The following CAMK2D variants were observed in gnomAD, a reference collection of about 807,000 sequenced individuals.
CAMK2D encodes calcium/calmodulin dependent protein kinase II delta, also known as calcium/calmodulin-dependent protein kinase type II subunit delta.
Under a neutral mutation model 84.0 loss-of-function variants are expected in CAMK2D, and 37 were observed. The observed-to-expected ratio is 0.44, with a 90% CI of 0.34 to 0.58. CAMK2D has a LOEUF of 0.58. Ranked by LOEUF, CAMK2D falls within the 20% of genes least tolerant of loss-of-function variation. The pLI is 0.02. For synonymous variants in CAMK2D, 202 were observed against 212.5 expected, an observed-to-expected ratio of 0.95 and a Z score of 0.43; for missense variants, 448 against 652.5, an observed-to-expected ratio of 0.69 and a Z score of 3.41.
intron 2 of CAMK2D, among the ~76,000 whole-genome samples, chr4:113,707,847 CCTGT>C (rs1220620101): frequency 6.6e-6 from 1 of 152,122 alleles, no homozygotes; most frequent in Middle Eastern, 3.2e-3. Flanking sequence ...ACAGTATCTA[CCTGT>C]CTAAGTGCTG....
intron 3 of CAMK2D, among the ~76,000 whole-genome samples, chr4:113,627,746 G>C (rs766388580): frequency 1.6e-4 from 24 of 152,116 alleles, no homozygotes; most frequent in Admixed American, 7.9e-4. Flanking sequence ...AAGGGCATTT[G>C]CTTAGTGTTT....
intron 4 of CAMK2D, among the ~76,000 whole-genome samples, chr4:113,594,548 T>G (rs1054841457): frequency 6.6e-6 from 1 of 152,166 alleles, no homozygotes; most frequent in Non-Finnish European, 1.5e-5. Flanking sequence ...AACAGGTGGA[T>G]GATGTAAACA....
intron 8 of CAMK2D, among the ~76,000 whole-genome samples, chr4:113,522,041 G>A (rs1166280849): frequency 2.7e-5 from 4 of 150,754 alleles, no homozygotes; most frequent in African/African-American, 9.7e-5. Context: ...TGCTAGAGAT[G>A]TCCGGTTAAT....
intron 18 of CAMK2D, among the ~76,000 whole-genome samples, chr4:113,458,555 T>C (rs960578743): frequency 6.6e-6 from 1 of 152,216 alleles, no homozygotes; most frequent in African/African-American, 2.4e-5. Flanking sequence ...AGTTAATTCT[T>C]TCATTAGGGA....
intron 13 of CAMK2D, among the ~76,000 whole-genome samples, chr4:113,508,461 G>A (rs2098162035): frequency 1.3e-5 from 2 of 152,202 alleles, no homozygotes; most frequent in Non-Finnish European, 2.9e-5. Context: ...GGAACTGTGA[G>A]CTCTCCATCA....
intron 16 of CAMK2D, among the ~76,000 whole-genome samples, chr4:113,494,861 C>T (rs528688599): frequency 1.1e-4 from 17 of 152,292 alleles, no homozygotes; most frequent in African/African-American, 2.9e-4. Flanking sequence ...TTTTTAAGCC[C>T]GTCGGAAAAG....
At chr4:113,685,028 T>C (rs2099355616) in intron 2 of CAMK2D, among the ~76,000 whole-genome samples, 1 of 152,054 alleles carries the variant, frequency 6.6e-6, no homozygotes, top group Non-Finnish European at 1.5e-5. Context: ...GCAAAGTCCT[T>C]CTCTCTTTGT....
At chr4:113,736,814 T>C (rs2099582415) in intron 2 of CAMK2D, among the ~76,000 whole-genome samples, 1 of 152,044 alleles carries the variant, frequency 6.6e-6, no homozygotes, top group Non-Finnish European at 1.5e-5. Flanking sequence ...AAGGCAAAAA[T>C]ATCCCTCTGG....
chr4:113,682,250 T>C (rs1309063875), intron 2 of CAMK2D, among the ~76,000 whole-genome samples: 1 of 152,140 alleles, frequency 6.6e-6, no homozygotes, highest in African/African-American at 2.4e-5. Flanking sequence ...TTTAAAAAAT[T>C]GCCACATATA....
intron 4 of CAMK2D, among the ~76,000 whole-genome samples, chr4:113,584,584 T>A (rs1186506752): frequency 6.6e-6 from 1 of 152,144 alleles, no homozygotes; most frequent in Admixed American, 6.5e-5. Context: ...TGGGAACAGA[T>A]GTGTCTCTCC....
rs1360198595 is a variant in CAMK2D, at chr4:113,657,131, T to C, written c.220+4582A>G. On this transcript the variant is annotated intron_variant, in intron 3 of 20. Transcript: ENST00000511664. The stretch of plus-strand genomic sequence containing the variant: ...CTTGACTATAAATCCCCAGCTGTCA[T>C]TGCTGTGTTTGGAATGAAGTTCAGT... Among the ~76,000 whole-genome samples the C allele has an allele frequency of 7.2e-5, 11 of 152,272 alleles. No homozygotes were observed. In the East Asian group the frequency reaches 1.9e-3, roughly 27 times the overall value.
chr4:113,480,271 CAT>C (rs1205556174), intron 16 of CAMK2D, among the ~76,000 whole-genome samples: 1 of 152,108 alleles, frequency 6.6e-6, no homozygotes, highest in Admixed American at 6.5e-5. Flanking sequence ...CCAGCATTGA[CAT>C]ATTATTATCC....
chr4:113,748,348 TTTCTCGC>T (rs1470951885), intron 2 of CAMK2D, among the ~76,000 whole-genome samples: 1 of 152,082 alleles, frequency 6.6e-6, no homozygotes, highest in African/African-American at 2.4e-5. Flanking sequence ...TAAAATTCAA[TTTCTCGC>T]TCGCATACTT....
At chr4:113,755,661 A>G (rs932617390) in intron 2 of CAMK2D, among the ~76,000 whole-genome samples, 3 of 148,382 alleles carry the variant, frequency 2.0e-5, no homozygotes, top group Non-Finnish European at 4.5e-5. Context: ...TGCCATCAGA[A>G]CCATCAGTCC....
chr4:113,606,137 A>G (rs2098975882), intron 4 of CAMK2D, among the ~76,000 whole-genome samples: 1 of 152,142 alleles, frequency 6.6e-6, no homozygotes, highest in Non-Finnish European at 1.5e-5. Context: ...TAAAGAAGAA[A>G]AGGAAACTGC....
intron 13 of CAMK2D, among the ~76,000 whole-genome samples, chr4:113,505,663 C>T (rs1410075584): frequency 6.6e-6 from 1 of 151,980 alleles, no homozygotes; most frequent in African/African-American, 2.4e-5. Context: ...TTAATTTTTA[C>T]AGTTGTGTAA....
chr4:113,509,755 T>C, intron 12 of CAMK2D, 80 bp from the exon 13 acceptor site: 1 of 997,764 alleles, frequency 1.0e-6, no homozygotes, highest in Non-Finnish European at 1.6e-6. Context: ...CAGGTTATTG[T>C]CTCCTTCTAC....
chr4:113,459,638 CT>C (rs35827287), intron 18 of CAMK2D, among the ~76,000 whole-genome samples: 19,211 of 133,216 alleles, frequency 0.14, 1,070 homozygotes, highest in Middle Eastern at 0.21. Flanking sequence ...ATCAACATTA[CT>C]TTTTTTTTTT....
rs2097447852 is a variant in CAMK2D, at chr4:113,465,506, CAAAGT to C, written c.1211+18_1211+22del. ...AATATATTTACCATATGCATGAAAGCAAAGTAAACGTCCGCTACTCACGTGTAGGC... is the reference window on the plus strand; with the variant it reads ...AATATATTTACCATATGCATGAAAGCAAACGTCCGCTACTCACGTGTAGGC... On this transcript the variant is annotated intron_variant, in intron 17 of 20. Coordinates refer to ENST00000511664, the MANE Select transcript of CAMK2D (RefSeq NM_001321571.2). 6.8e-7 allele frequency: 1 copy of C among 1,471,544 alleles called. No individual in the cohort carries two copies. The highest frequency in any genetic ancestry group is 1.2e-5 in the South Asian group (1 of 84,696). The allele number at this position is 1,471,544 out of a possible 1,614,324, so 91.2% of individuals were successfully genotyped here.
Sources: allele counts gnomAD v4.1 joint callset (sites outside exome capture counted in the v4.1 genomes callset), GRCh38; gene constraint gnomAD v4.1.1; transcripts MANE v1.5; gene names NCBI Gene and HGNC (gene_info 2026-07-23, HGNC 2026-07-21).